The following HPS6 variants were observed in gnomAD, a reference collection of about 807,000 sequenced individuals.
The protein encoded by HPS6 is HPS6 biogenesis of lysosomal organelles complex 2 subunit 3, also known as BLOC-2 complex member HPS6.
Under a neutral mutation model 53.6 loss-of-function variants are expected in HPS6, and 46 were observed. The observed-to-expected ratio is 0.86, with a 90% CI of 0.68 to 1.10. The LOEUF (loss-of-function observed/expected upper bound fraction) is 1.10. HPS6 is among the 50% of genes least tolerant of loss of function. The probability of loss-of-function intolerance (pLI) is 0.00; values close to 1 mark genes in which losing one functional copy is unlikely to be tolerated. For synonymous variants in HPS6, 535 were observed against 470.8 expected (o/e 1.14, Z -1.77); for missense variants, 1,034 against 991.3 (o/e 1.04, Z -0.58).
In HPS6 at chr10:102,066,664, C is replaced by G; in HGVS notation, c.1190C>G (p.Pro397Arg). Reference protein sequence around the residue: ...GWEAPQGVELPSAKDLVFEEA... With the variant: ...GWEAPQGVELRSAKDLVFEEA... ...GAAGCCCCACAGGGTGTTGAGTTGCCTTCAGCCAAGGATCTGGTGTTTGAG... is the reference window on the plus strand; with the variant it reads ...GAAGCCCCACAGGGTGTTGAGTTGCGTTCAGCCAAGGATCTGGTGTTTGAG... The change falls in exon 1 of 1, where the codon CCT becomes CGT. Residue 397 changes from proline (P) to arginine (R), a missense_variant. By Grantham distance (103) the Pro-to-Arg change is moderately radical. Transcript: ENST00000299238. 1 of 1,613,940 alleles carries G rather than the reference C, an allele frequency of 6.2e-7. No homozygotes were observed. Among genetic ancestry groups the G allele is most frequent in the South Asian group, 1.1e-5 (1 of 91,086 alleles).
Position 102,067,223 on chromosome 10 carries a change from T to C in HPS6, c.1749T>C (p.Phe583=), listed in dbSNP as rs751781003. The change falls in exon 1 of 1, where the codon TTT becomes TTC. Residue 583 remains phenylalanine, a synonymous_variant. Transcript: ENST00000299238. ...TGGAGCCTCGATGGCTGCCACCCTT[T>C]GTGGAGCTGGCACAGCAGCAGGGCG... is the stretch of plus-strand genomic sequence containing the variant. ...CQLEPRWLPP[F]VELAQQQGGP... 3.7e-6 allele frequency: 6 copies of C among 1,606,064 alleles called. No individual in the cohort carries two copies. The highest frequency in any genetic ancestry group is 1.1e-5 in the South Asian group (1 of 90,900).
chr10:102,065,649 G>T lies in HPS6; in HGVS notation c.175G>T (p.Ala59Ser). The change falls in exon 1 of 1, where the codon GCG becomes TCG. Residue 59 changes from alanine to serine, a missense_variant. Ala to Ser is a moderately conservative substitution (Grantham distance 99). Transcript: ENST00000299238. ...PGAVAPQLLV[A>S]SRGPGAELER... ...GGCGGTAGCCCCACAGCTGCTAGTC[G>T]CGTCGCGAGGGCCCGGCGCGGAGCT... 1 of 1,540,012 alleles carries T rather than the reference G, an allele frequency of 6.5e-7. No individual in the cohort carries two copies. The highest frequency in any genetic ancestry group is 8.7e-7 in the Non-Finnish European group (1 of 1,154,476).
At position 102,065,451 on chromosome 10, in the gene HPS6, G is replaced by T. The variant is rs1194293687; in HGVS notation, c.-24G>T. On this transcript the variant is annotated 5_prime_UTR_variant, in exon 1 of 1. Coordinates refer to ENST00000299238, the MANE Select transcript of HPS6 (RefSeq NM_024747.6). ...GGCGGCTGGACCTGGGCAAAGCCTG[G>T]GCGCGCTCCCGCGCAGCGGCGCCAT... The T allele has an allele frequency of 3.9e-6, 6 of 1,544,432 alleles. 1 individual carries two copies. The South Asian group carries it at 4.8e-5, about 12-fold the overall frequency.
In HPS6 at chr10:102,066,503, G is replaced by A. The variant is rs770974872; in HGVS notation, c.1029G>A (p.Leu343=). Residue 343 remains leucine (L), a synonymous_variant, in exon 1 of 1, where the codon CTG becomes CTA. Coordinates refer to ENST00000299238, the MANE Select transcript of HPS6 (RefSeq NM_024747.6). ...TGGACATGGGCAGTGGGCAGCTGCT[G>A]GAGAGGAAGGTCCTAAGTACAGACA... ...ELLDMGSGQL[L]ERKVLSTDRV... is the part of the protein sequence containing the mutation. 2.5e-6 allele frequency: 4 copies of A among 1,614,226 alleles called. No individual in the cohort carries two copies. Among genetic ancestry groups the A allele is most frequent in the South Asian group, 2.2e-5 (2 of 91,092 alleles).
Position 102,067,162 on chromosome 10 carries a change from C to T in HPS6, c.1688C>T (p.Pro563Leu). The T allele has an allele frequency of 1.2e-6, 2 of 1,613,692 alleles. No homozygotes were observed. Among genetic ancestry groups the T allele is most frequent in the Middle Eastern group, 1.6e-4 (1 of 6,062 alleles). Residue 563 changes from proline to leucine, a missense_variant, in exon 1 of 1, where the codon CCC (proline) becomes CTC (leucine). Pro to Leu is a moderately conservative substitution (Grantham distance 98, BLOSUM62 -3). Coordinates refer to ENST00000299238, the MANE Select transcript of HPS6 (RefSeq NM_024747.6). The part of the protein sequence containing the change: ...AGKEPPNGIL[P>L]PFELLCQCLC... The stretch of plus-strand genomic sequence containing the variant: ...AAGGAACCCCCCAATGGAATACTGC[C>T]CCCCTTTGAACTCCTGTGCCAGTGT...
rs1378955087 is a variant in HPS6, at chr10:102,067,354, T to C, written c.1880T>C (p.Leu627Pro). The change falls in exon 1 of 1, where the codon CTC (leucine) becomes CCC (proline). Residue 627 changes from leucine (L) to proline (P), a missense_variant. Leu to Pro is a moderately conservative substitution (Grantham distance 98). Coordinates refer to ENST00000299238, the MANE Select transcript of HPS6 (RefSeq NM_024747.6). ...TRPEALELEL[L>P]LSSGRPKAVL... ...CCTGAGGCTCTGGAGCTAGAGCTGC[T>C]CTTGAGCAGTGGGCGGCCTAAAGCT... The C allele has an allele frequency of 8.1e-6, 13 of 1,613,180 alleles. No individual in the cohort carries two copies. In the South Asian group the frequency reaches 1.2e-4, roughly 15 times the overall value.
chr10:102,065,400 C>G lies in HPS6; in HGVS notation c.-75C>G. 2.1e-6 allele frequency: 3 copies of G among 1,447,046 alleles called. No individual in the cohort carries two copies. The highest frequency in any genetic ancestry group is 2.7e-6 in the Non-Finnish European group (3 of 1,091,024). 89.6% of individuals were successfully genotyped at this position (1,447,046 alleles called of 1,614,324 possible). On this transcript the variant is annotated 5_prime_UTR_variant, in exon 1 of 1. Coordinates refer to ENST00000299238, the MANE Select transcript of HPS6 (RefSeq NM_024747.6). ...GGAAGTCTTGGCCCTGCTCCGCTCC[C>G]CCGAGAATCGGGCCTCGCCCTGCTG...
Sources: allele counts gnomAD v4.1 joint callset, GRCh38; gene constraint gnomAD v4.1.1; transcripts MANE v1.5; gene names NCBI Gene and HGNC (gene_info 2026-07-23, HGNC 2026-07-21).